Variants in ATAD3B observed in about 807,000 individuals in gnomAD.
The protein encoded by ATAD3B is ATPase family AAA domain-containing protein 3B.
Under a neutral mutation model 70.2 loss-of-function variants are expected in ATAD3B, and 59 were observed. The observed-to-expected ratio is 0.84, with a 90% CI of 0.68 to 1.04. The LOEUF (loss-of-function observed/expected upper bound fraction) is 1.04. Ranked by LOEUF, ATAD3B falls within the 50% of genes least tolerant of loss-of-function variation. The pLI, the probability that ATAD3B is intolerant of heterozygous loss-of-function variation, is 0.00. For synonymous variants in ATAD3B, 423 were observed against 388.6 expected, an observed-to-expected ratio of 1.09 and a Z score of -1.04; for missense variants, 961 against 913.4, an observed-to-expected ratio of 1.05 and a Z score of -0.67.
At chr1:1,490,161 CA>C in intron 13 of ATAD3B, 95 bp from the exon 14 acceptor site, 1 of 1,526,992 alleles carries the variant, frequency 6.5e-7, no homozygotes, top group Non-Finnish European at 8.8e-7. Context: ...TAGATTCTCC[CA>C]AAAAGTCTCC....
chr1:1,482,722 C>T (rs1476126687), intron 7 of ATAD3B, 108 bp downstream of exon 7: 2 of 1,558,444 alleles, frequency 1.3e-6, no homozygotes, highest in Non-Finnish European at 1.8e-6. Context: ...CCCTGTAGCT[C>T]TCCCAGCACA....
the ATAD3B span, among the ~76,000 whole-genome samples, chr1:1,507,263 G>A: frequency 2.6e-5 from 4 of 152,162 alleles, no homozygotes; most frequent in East Asian, 7.7e-4. Context: ...TTACTCAGAG[G>A]AAAAGCTTCC....
chr1:1,490,498 C>T (rs751138328), intron 14 of ATAD3B, 65 bp from the exon 15 acceptor site: 41 of 1,610,588 alleles, frequency 2.5e-5, no homozygotes, highest in Non-Finnish European at 3.2e-5. Context: ...GCCTGTCTTC[C>T]GGCCTCCACC....
intron 14 of ATAD3B, 62 bp downstream of exon 14, chr1:1,490,486 C>T: frequency 2.5e-6 from 4 of 1,611,140 alleles, no homozygotes; most frequent in Non-Finnish European, 3.4e-6. Flanking sequence ...TGTAGGCCAG[C>T]TGCCTGTCTT....
chr1:1,471,794 G>GGCTCGCGGCGCGTGGAGGCT lies in ATAD3B; in HGVS notation c.-86_-67dup, dbSNP rs1184569415. ...CGCCTGCGCAGTGGTCCTGGCCACCGGCTCGCGGCGCGTGGAGGCTGCTCC... is the reference window on the plus strand; with the variant it reads ...CGCCTGCGCAGTGGTCCTGGCCACCGGCTCGCGGCGCGTGGAGGCTGCTCGCGGCGCGTGGAGGCTGCTCC... On this transcript the variant is annotated 5_prime_UTR_variant, in exon 1 of 16. Coordinates refer to ENST00000673477, the MANE Select transcript of ATAD3B (RefSeq NM_031921.6). 8.2e-7 allele frequency: 1 copy of GGCTCGCGGCGCGTGGAGGCT among 1,220,112 alleles called. No homozygotes were observed. The highest frequency in any genetic ancestry group is 3.2e-4 in the Middle Eastern group (1 of 3,106). 75.6% of individuals were successfully genotyped at this position (1,220,112 alleles called of 1,614,324 possible). A position where few individuals can be genotyped will look rare whatever the true frequency, so the allele number is the denominator to read the frequency against.
rs1438173146 is a variant in ATAD3B at position 1,482,100 on chromosome 1, A to C, written c.515-38A>C. On this transcript the variant is annotated intron_variant, in intron 5 of 15. Coordinates refer to ENST00000673477, the MANE Select transcript of ATAD3B (RefSeq NM_031921.6). The stretch of plus-strand genomic sequence containing the variant: ...GTGTGGGTGGAGGTGGACGTGCTGC[A>C]CTGCATGGTGCTGAGCTGCCCTGCC... The C allele has an allele frequency of 8.8e-6, 14 of 1,593,264 alleles. 1 individual carries two copies. Among genetic ancestry groups the C allele is most frequent in the Non-Finnish European group, 1.2e-5 (14 of 1,171,572 alleles).
chr1:1,501,920 C>T (rs1019032259), downstream of ATAD3B, among the ~76,000 whole-genome samples: 4 of 151,858 alleles, frequency 2.6e-5, no homozygotes, highest in African/African-American at 9.7e-5. Context: ...CACTCGTCGC[C>T]GAGGCTGGAG....
Position 1,487,918 on chromosome 1 carries a change from A to G in ATAD3B, c.1266+4A>G. ...CTTCCTTCGGAAGCGAGCCACTGTG[A>G]GTGTCACTAAGCCTCTGTCTGGCCA... On this transcript the variant is annotated splice_donor_region_variant and intron_variant, in intron 12 of 15. Transcript: ENST00000673477. 6.2e-7 allele frequency: 1 copy of G among 1,612,924 alleles called. No individual in the cohort carries two copies. The highest frequency in any genetic ancestry group is 8.5e-7 in the Non-Finnish European group (1 of 1,179,310).
intron 4 of ATAD3B, among the ~76,000 whole-genome samples, chr1:1,479,821 C>G (rs1451276030): frequency 2.1e-5 from 3 of 141,478 alleles, no homozygotes; most frequent in East Asian, 4.5e-4. Context: ...AGCCCACACA[C>G]ATACCCCTTC....
chr1:1,479,875 C>A (rs1288143290), intron 4 of ATAD3B, among the ~76,000 whole-genome samples: 1 of 145,418 alleles, frequency 6.9e-6, no homozygotes, highest in Non-Finnish European at 1.5e-5. Context: ...TGCACACACA[C>A]CCCCACACGG....
the ATAD3B span, among the ~76,000 whole-genome samples, chr1:1,508,732 A>G: frequency 0.012 from 1,759 of 150,746 alleles, 41 homozygotes; most frequent in Admixed American, 0.014. Context: ...GGAGGACAGG[A>G]AGGTGGGGCA....
chr1:1,484,234 G>A (rs1640081418), intron 7 of ATAD3B: 1 of 151,536 alleles, frequency 6.6e-6, no homozygotes, highest in Admixed American at 6.6e-5. Flanking sequence ...CTGCTCAAGT[G>A]CAGTGGCGCG....
intron 1 of ATAD3B, among the ~76,000 whole-genome samples, chr1:1,472,301 G>A (rs1307335495): frequency 2.6e-5 from 4 of 152,020 alleles, no homozygotes; most frequent in Non-Finnish European, 4.4e-5. Flanking sequence ...GTCAGGAGCG[G>A]GTCAGGTGCG....
In ATAD3B at chr1:1,490,667, G is replaced by C. The variant is rs752585857; in HGVS notation, c.1610G>C (p.Trp537Ser). ...GAGATCGCTCAGCTGGCCGTGTCCT[G>C]GCAGGTGAGTCAGGCTCCGGCACGT... ...GREIAQLAVS[W>S]QATAYASKDG... The change falls in exon 15 of 16, where the codon TGG (tryptophan) becomes TCG (serine). Residue 537 changes from tryptophan (W) to serine (S), a missense_variant. By Grantham distance (177) the Trp-to-Ser change is radical (BLOSUM62 -3). Transcript: ENST00000673477. 6.3e-7 allele frequency: 1 copy of C among 1,586,544 alleles called. No homozygotes were observed. The highest frequency in any genetic ancestry group is 2.3e-5 in the East Asian group (1 of 43,786).
rs1382192762 is a variant in ATAD3B, at chr1:1,495,501, C to T, written c.1631C>T (p.Ser544Phe). 1.9e-6 allele frequency: 3 copies of T among 1,608,170 alleles called. No homozygotes were observed. The South Asian group carries it at 3.3e-5, about 18-fold the overall frequency. ...CTTCACTAGGCCACGGCATATGCCT[C>T]CAAGGACGGGGTCCTCACTGAGGCC... The part of the protein sequence containing the change: ...AVSWQATAYA[S>F]KDGVLTEAMM... Residue 544 changes from serine (S) to phenylalanine (F), a missense_variant, in exon 16 of 16, where the codon TCC becomes TTC. By Grantham distance (155) the Ser-to-Phe change is radical. This residue lies in a region of ATAD3B where 417 missense variants were observed against 335.0 expected (regional missense o/e 1.24). Coordinates refer to ENST00000673477, the MANE Select transcript of ATAD3B (RefSeq NM_031921.6).
chr1:1,482,083 G>A (rs1374524966), intron 5 of ATAD3B, 55 bp from the exon 6 acceptor site: 4 of 1,573,198 alleles, frequency 2.5e-6, no homozygotes, highest in African/African-American at 2.7e-5. Flanking sequence ...CAGTGTGGGT[G>A]GAGGTGGACG....
Position 1,486,351 on chromosome 1 carries a change from C to T in ATAD3B, c.1089+116C>T, listed in dbSNP as rs975729301. The stretch of plus-strand genomic sequence containing the variant: ...GACCCCCCTTAGGCCTTTGCCTACC[C>T]TCGTGTAGGCTCAGGGTGCTGGTGT... On this transcript the variant is annotated intron_variant, in intron 10 of 15. Transcript: ENST00000673477. The T allele has an allele frequency of 4.3e-5, 69 of 1,590,448 alleles. 2 individuals carry two copies. Among genetic ancestry groups the T allele is most frequent in the Non-Finnish European group, 5.2e-5 (61 of 1,170,590 alleles).
intron 1 of ATAD3B, among the ~76,000 whole-genome samples, chr1:1,473,122 CAG>C (rs1418506625): frequency 7.2e-6 from 1 of 138,480 alleles, no homozygotes; most frequent in Non-Finnish European, 1.5e-5. Context: ...AGCGCCCAGA[CAG>C]AAGGGATTCC....
Position 1,478,752 on chromosome 1 carries a change from G to A in ATAD3B, c.384+7G>A. On this transcript the variant is annotated splice_region_variant and intron_variant, in intron 3 of 15. Coordinates refer to ENST00000673477, the MANE Select transcript of ATAD3B (RefSeq NM_031921.6). ...GACCCGGCAGCACCAGGCCGTAAGA[G>A]CGCAAGAGGCCGCGAGGGAGGCCGC... 2.0e-6 allele frequency: 3 copies of A among 1,509,956 alleles called. No homozygotes were observed. The highest frequency in any genetic ancestry group is 2.7e-6 in the Non-Finnish European group (3 of 1,122,668). 93.5% of individuals were successfully genotyped at this position (1,509,956 alleles called of 1,614,324 possible).
Sources: allele counts gnomAD v4.1 joint callset (sites outside exome capture counted in the v4.1 genomes callset), GRCh38; gene constraint gnomAD v4.1.1; regional missense constraint gnomAD v4.1.1; transcripts MANE v1.5; gene names NCBI Gene and HGNC (gene_info 2026-07-23, HGNC 2026-07-21).